CHST9: variants seen among roughly 807,000 people sequenced by gnomAD.
CHST9 encodes carbohydrate sulfotransferase 9, also known as GalNAc-4-sulfotransferase 2.
Under a neutral mutation model 44.4 loss-of-function variants are expected in CHST9, and 41 were observed. That is an observed-to-expected ratio of 0.92 (90% CI 0.72 to 1.20). The LOEUF is 1.20. Ranked by LOEUF, CHST9 falls within the 50% of genes most tolerant of loss-of-function variation. The pLI, the probability that CHST9 is intolerant of heterozygous loss-of-function variation, is 0.00. For missense variants in CHST9, 504 were observed against 516.5 expected, an observed-to-expected ratio of 0.98 and a Z score of 0.23; for synonymous variants, 171 against 178.4, an observed-to-expected ratio of 0.96 and a Z score of 0.33.
intron 3 of CHST9, among the ~76,000 whole-genome samples, chr18:27,028,614 C>T (rs554388526): frequency 2.4e-4 from 36 of 152,132 alleles, no homozygotes; most frequent in Admixed American, 1.7e-3. Context: ...GTAGCACGAT[C>T]TCGGCTCACG....
intron 4 of CHST9, 54 bp downstream of exon 4, chr18:27,024,062 G>GC (rs1568137561): frequency 3.3e-5 from 50 of 1,510,906 alleles, no homozygotes; most frequent in Middle Eastern, 3.4e-4. Context: ...TCTAGTTGTT[G>GC]CTCTGCTTAT....
chr18:27,085,375 A>T (rs2058001867), intron 2 of CHST9, among the ~76,000 whole-genome samples: 1 of 152,188 alleles, frequency 6.6e-6, no homozygotes, highest in South Asian at 2.1e-4. Flanking sequence ...TATGCATCCA[A>T]CAAAGGTTTA....
At chr18:27,048,658 A>C (rs1432471587) in intron 2 of CHST9, among the ~76,000 whole-genome samples, 155 bp from the exon 3 acceptor site, 1 of 152,196 alleles carries the variant, frequency 6.6e-6, no homozygotes, top group African/African-American at 2.4e-5. Context: ...GCTGACAGGC[A>C]TAAGAACTGC....
chr18:26,968,641 T>C (rs1296742820), intron 4 of CHST9, among the ~76,000 whole-genome samples: 1 of 152,254 alleles, frequency 6.6e-6, no homozygotes, highest in African/African-American at 2.4e-5. Context: ...ATATATTCAT[T>C]AAATATTCTA....
Position 26,916,616 on chromosome 18 carries a change from T to A in CHST9, c.975A>T (p.Gly325=), listed in dbSNP as rs2145044350. The change falls in exon 6 of 6, where the codon GGA becomes GGT. Residue 325 remains glycine (G), a synonymous_variant. Coordinates refer to ENST00000618847, the MANE Select transcript of CHST9 (RefSeq NM_031422.6). ...PNACEEALIN[G]SGVKFKEFIH... ...TAAACTCTTTGAACTTGACTCCAGA[T>A]CCATTAATTAATGCTTCTTCACAGG... is the stretch of plus-strand genomic sequence containing the variant. 1 of 1,613,860 alleles carries A rather than the reference T, an allele frequency of 6.2e-7. No homozygotes were observed. The highest frequency in any genetic ancestry group is 2.2e-5 in the East Asian group (1 of 44,878).
rs2058504614 is a variant in CHST9, at chr18:27,135,298, T to C, written c.121+7391A>G. 2.0e-5 allele frequency among the ~76,000 whole-genome samples: 3 copies of C among 152,356 alleles called. No individual in the cohort carries two copies. The South Asian group carries it at 6.2e-4, about 32-fold the overall frequency. On this transcript the variant is annotated intron_variant, in intron 2 of 5. Transcript: ENST00000618847. The stretch of plus-strand genomic sequence containing the variant: ...CTTGTTTGGGAAGAGTATATTTTTC[T>C]GTCTGATTCCTTGGCTGGGTCAGCT...
intron 2 of CHST9, among the ~76,000 whole-genome samples, chr18:27,110,802 G>A (rs2058264694): frequency 6.6e-6 from 1 of 152,188 alleles, no homozygotes; most frequent in Admixed American, 6.5e-5. Flanking sequence ...AGGGCATTGT[G>A]ACCTAAGGCT....
intron 4 of CHST9, among the ~76,000 whole-genome samples, chr18:27,018,173 C>A (rs2057177436): frequency 6.6e-6 from 1 of 152,004 alleles, no homozygotes; most frequent in South Asian, 2.1e-4. Flanking sequence ...TTAACAAGGC[C>A]CCAAAAATTG....
chr18:26,990,329 G>A (rs1297466321), intron 4 of CHST9, among the ~76,000 whole-genome samples: 2 of 152,132 alleles, frequency 1.3e-5, no homozygotes, highest in Non-Finnish European at 1.5e-5. Context: ...AAAGCTAATG[G>A]CATAGAGCTG....
chr18:27,062,653 T>C (rs969670160), intron 2 of CHST9, among the ~76,000 whole-genome samples: 11 of 152,188 alleles, frequency 7.2e-5, no homozygotes, highest in African/African-American at 2.7e-4. Context: ...CAGCATGATT[T>C]ATAATCCTTT....
intron 4 of CHST9, among the ~76,000 whole-genome samples, chr18:27,016,455 C>T (rs1312152840): frequency 6.6e-6 from 1 of 152,216 alleles, no homozygotes; most frequent in Admixed American, 6.5e-5. Context: ...CACAGGCAGG[C>T]CCCTGTTCCT....
chr18:27,127,838 G>A (rs2058438047), intron 2 of CHST9, among the ~76,000 whole-genome samples: 1 of 152,186 alleles, frequency 6.6e-6, no homozygotes, highest in Admixed American at 6.5e-5. Flanking sequence ...AGGGGAGCCA[G>A]GCATGAAGGT....
intron 1 of CHST9, among the ~76,000 whole-genome samples, chr18:27,179,714 A>G (rs2058896849): frequency 2.0e-5 from 3 of 152,136 alleles, no homozygotes; most frequent in African/African-American, 7.2e-5. Context: ...ATTACAATTA[A>G]GAATTTTATT....
At position 27,182,524 on chromosome 18, in the gene CHST9, T is replaced by C. The variant is rs532125048; in HGVS notation, c.-97+2612A>G. 2.6e-5 allele frequency among the ~76,000 whole-genome samples: 4 copies of C among 152,320 alleles called. No individual in the cohort carries two copies. In the East Asian group the frequency reaches 7.7e-4, roughly 29 times the overall value. On this transcript the variant is annotated intron_variant, in intron 1 of 5. Transcript: ENST00000618847. ...AATGCTTTGGGACATTGCACCCATA[T>C]TTGAGTGAAAAGAATTTTCCTAATG...
chr18:26,995,798 G>T (rs2056881278), intron 4 of CHST9, among the ~76,000 whole-genome samples: 1 of 152,132 alleles, frequency 6.6e-6, no homozygotes, highest in Non-Finnish European at 1.5e-5. Context: ...AGACTGCTTT[G>T]CTTTGTCTAT....
intron 2 of CHST9, among the ~76,000 whole-genome samples, chr18:27,066,075 C>A (rs989793052): frequency 6.6e-6 from 1 of 152,222 alleles, no homozygotes; most frequent in Non-Finnish European, 1.5e-5. Context: ...GGTGGAAAAA[C>A]AGTCCATTTA....
chr18:26,942,190 ACT>A (rs1053927243), intron 5 of CHST9, among the ~76,000 whole-genome samples: 6 of 151,884 alleles, frequency 4.0e-5, no homozygotes, highest in Non-Finnish European at 7.4e-5. Flanking sequence ...TTATTTCTTG[ACT>A]CTCTGCCAGA....
intron 1 of CHST9, among the ~76,000 whole-genome samples, chr18:27,148,310 G>A (rs1386394120): frequency 6.6e-6 from 1 of 151,260 alleles, no homozygotes; most frequent in Admixed American, 6.6e-5. Flanking sequence ...ACAACATGCA[G>A]GTTTGTTACA....
intron 3 of CHST9, among the ~76,000 whole-genome samples, chr18:27,028,389 G>A (rs1324123087): frequency 3.3e-5 from 5 of 152,086 alleles, no homozygotes; most frequent in African/African-American, 7.2e-5. Flanking sequence ...CACCACTGAC[G>A]CTTGGTCCAC....
Sources: gnomAD v4.1 joint callset for allele counts (sites outside exome capture counted in the v4.1 genomes callset) on GRCh38, gnomAD v4.1.1 for gene constraint, MANE v1.5 for transcripts, NCBI Gene and HGNC (gene_info 2026-07-23, HGNC 2026-07-21) for gene names.